The following SETD5 variants were observed in gnomAD, a reference collection of about 807,000 sequenced individuals.
SETD5 encodes SET domain containing 5.
Under a neutral mutation model 153.3 loss-of-function variants are expected in SETD5, and 44 were observed. The ratio of observed to expected loss-of-function variants is 0.29; its 90% CI spans 0.23 to 0.37. The LOEUF is 0.37. Ranked by LOEUF, SETD5 falls within the 10% of genes least tolerant of loss-of-function variation. The pLI is 1.00. For missense variants in SETD5, 1,544 were observed against 1,768.0 expected (o/e 0.87, Z 2.27); for synonymous variants, 716 against 645.2 (o/e 1.11, Z -1.66).
chr3:9,438,136 T>G (rs984818783), intron 7 of SETD5, among the ~76,000 whole-genome samples: 10 of 152,208 alleles, frequency 6.6e-5, no homozygotes, highest in Admixed American at 5.2e-4. Flanking sequence ...GTATCTATCT[T>G]TAAACAGACT....
intron 1 of SETD5, among the ~76,000 whole-genome samples, chr3:9,418,114 T>A (rs1266705147): frequency 6.6e-6 from 1 of 151,194 alleles, no homozygotes; most frequent in Non-Finnish European, 1.5e-5. Flanking sequence ...CTAATTTTTT[T>A]TTTTTTTGTA....
At chr3:9,410,447 T>C (rs2036390047) in intron 1 of SETD5, among the ~76,000 whole-genome samples, 1 of 152,242 alleles carries the variant, frequency 6.6e-6, no homozygotes, top group South Asian at 2.1e-4. Flanking sequence ...TGCCACCAGT[T>C]TGATACACAG....
chr3:9,445,828 T>C (rs2041873828), intron 13 of SETD5, 88 bp downstream of exon 13: 1 of 851,938 alleles, frequency 1.2e-6, no homozygotes, highest in Non-Finnish European at 1.7e-6. Context: ...CTTTGTATCA[T>C]CTCATTGATT....
chr3:9,458,866 A>G (rs2043579827), intron 17 of SETD5, among the ~76,000 whole-genome samples: 2 of 152,288 alleles, frequency 1.3e-5, no homozygotes, highest in South Asian at 4.1e-4. Context: ...ATTTATATAT[A>G]AGGTTGGTGC....
At chr3:9,445,359 C>T (rs766764704) in intron 12 of SETD5, 59 bp downstream of exon 12, 6 of 1,556,938 alleles carry the variant, frequency 3.9e-6, no homozygotes, top group Non-Finnish European at 5.2e-6. Flanking sequence ...GGAAGAGGAA[C>T]CCGGGTTGCC....
chr3:9,446,950 AAATG>A, intron 13 of SETD5, 96 bp from the exon 14 acceptor site: 1 of 798,832 alleles, frequency 1.3e-6, no homozygotes, highest in African/African-American at 1.7e-5. Context: ...ACTGGTAGTT[AAATG>A]AATTTCTGTA....
chr3:9,443,275 A>T (rs201772515), intron 10 of SETD5, 33 bp from the exon 11 acceptor site: 251 of 1,493,304 alleles, frequency 1.7e-4, no homozygotes, highest in Non-Finnish European at 2.3e-4. Flanking sequence ...CATGGTCTTT[A>T]TGAAAAATCC....
At chr3:9,445,395 G>T in intron 12 of SETD5, 95 bp downstream of exon 12, 1 of 1,282,968 alleles carries the variant, frequency 7.8e-7, no homozygotes, top group Non-Finnish European at 1.1e-6. Flanking sequence ...GGGAGCTATA[G>T]TAACACTTAG....
intron 3 of SETD5, among the ~76,000 whole-genome samples, chr3:9,432,565 A>G (rs2040097226): frequency 6.6e-6 from 1 of 152,208 alleles, no homozygotes; most frequent in African/African-American, 2.4e-5. Flanking sequence ...CTGTGTTCTA[A>G]TTAATATAAA....
At chr3:9,415,615 T>C (rs2037296434) in intron 1 of SETD5, among the ~76,000 whole-genome samples, 1 of 152,172 alleles carries the variant, frequency 6.6e-6, no homozygotes, top group East Asian at 1.9e-4. Context: ...CAGGATCTCC[T>C]TGTCACCCAG....
rs374898000 is a variant in SETD5 at position 9,473,479 on chromosome 3, G to C, written c.3439G>C (p.Asp1147His). The C allele has an allele frequency of 1.2e-6, 2 of 1,613,716 alleles. No homozygotes were observed. The highest frequency in any genetic ancestry group is 2.7e-5 in the African/African-American group (2 of 74,904). ...CCATTTGGAGGCGGTAAGCCCATCA[G>C]ATTCCAGAGGCACTTCTTCATCTCA... The part of the protein sequence containing the change: ...MSHLEAVSPS[D>H]SRGTSSSHCR... Residue 1147 changes from aspartate (D) to histidine (H), a missense_variant, in exon 20 of 23, where the codon GAT becomes CAT. Coordinates refer to ENST00000402198, the MANE Select transcript of SETD5 (RefSeq NM_001080517.3).
intron 2 of SETD5, chr3:9,426,007 G>A (rs1046886379): frequency 4.6e-5 from 7 of 151,962 alleles, no homozygotes; most frequent in African/African-American, 1.7e-4. Context: ...AAGACTAATA[G>A]AAAGAGTAGT....
intron 13 of SETD5, among the ~76,000 whole-genome samples, chr3:9,446,143 C>T (rs1465429065): frequency 4.0e-5 from 6 of 150,214 alleles, no homozygotes; most frequent in South Asian, 2.1e-4. Context: ...AAAAATTAGC[C>T]GGGCGCGGTG....
chr3:9,403,215 A>G (rs542899638), intron 1 of SETD5, among the ~76,000 whole-genome samples: 1 of 152,170 alleles, frequency 6.6e-6, no homozygotes, highest in Admixed American at 6.5e-5. Context: ...AATTTGATAC[A>G]TTTCAGAATA....
At chr3:9,456,802 A>T (rs2043306124) in intron 17 of SETD5, among the ~76,000 whole-genome samples, 1 of 151,920 alleles carries the variant, frequency 6.6e-6, no homozygotes, top group Non-Finnish European at 1.5e-5. Context: ...GTGAAATCCC[A>T]TCTCTACTAA....
intron 1 of SETD5, among the ~76,000 whole-genome samples, chr3:9,410,010 TTAGAGA>T (rs1559352812): frequency 6.6e-6 from 1 of 152,200 alleles, no homozygotes; most frequent in Non-Finnish European, 1.5e-5. Context: ...GTATATCCCT[TTAGAGA>T]TAGAGATAGT....
At position 9,476,905 on chromosome 3, in the gene SETD5, G is replaced by A. The variant is rs984760734; in HGVS notation, c.*814G>A. The A allele has an allele frequency of 1.3e-5, 2 of 152,624 alleles. No homozygotes were observed. The highest frequency in any genetic ancestry group is 6.5e-5 in the Admixed American group (1 of 15,286). The allele number at this position is 152,624 out of a possible 1,614,324, so 9.5% of individuals were successfully genotyped here. A position where few individuals can be genotyped will look rare whatever the true frequency, so the allele number is the denominator to read the frequency against. ...GAATGAGACATGATATAGGCCAATT[G>A]CATTGCTACTTACCAGCTTTTGGCA... On this transcript the variant is annotated 3_prime_UTR_variant, in exon 23 of 23. Coordinates refer to ENST00000402198, the MANE Select transcript of SETD5 (RefSeq NM_001080517.3).
intron 17 of SETD5, among the ~76,000 whole-genome samples, chr3:9,459,843 G>A (rs2043735786): frequency 1.3e-5 from 2 of 152,024 alleles, no homozygotes; most frequent in Admixed American, 6.6e-5. Context: ...AAATGGGGGA[G>A]GAGAAGTCAT....
chr3:9,438,600 G>C (rs1463225220), intron 7 of SETD5, among the ~76,000 whole-genome samples: 1 of 152,034 alleles, frequency 6.6e-6, no homozygotes, highest in Non-Finnish European at 1.5e-5. Context: ...AGAATTACTA[G>C]TTTAAAACTC....
Sources: allele counts gnomAD v4.1 joint callset (sites outside exome capture counted in the v4.1 genomes callset), GRCh38; gene constraint gnomAD v4.1.1; transcripts MANE v1.5; gene names NCBI Gene and HGNC (gene_info 2026-07-23, HGNC 2026-07-21).